SGSM1: variants seen among roughly 807,000 people sequenced by gnomAD.
SGSM1 encodes RUN and TBC1 domain containing 2.
SGSM1 carries 73 observed loss-of-function variants against 133.8 expected under a neutral mutation model. The ratio of observed to expected loss-of-function variants is 0.55; its 90% CI spans 0.45 to 0.66. SGSM1 has a LOEUF of 0.66. Among genes scored for constraint, SGSM1 ranks in the 30% least tolerant of loss-of-function variants. The pLI is 0.00. For synonymous variants in SGSM1, 563 were observed against 573.0 expected (o/e 0.98, Z 0.25); for missense variants, 1,213 against 1,448.1 (o/e 0.84, Z 2.64).
chr22:24,819,038 C>T (rs1459113950), intron 2 of SGSM1, among the ~76,000 whole-genome samples: 1 of 150,838 alleles, frequency 6.6e-6, no homozygotes, highest in Non-Finnish European at 1.5e-5. Context: ...CCCAGCTACT[C>T]GGGAGGCTGA....
intron 16 of SGSM1, among the ~76,000 whole-genome samples, 181 bp downstream of exon 16, chr22:24,886,909 G>C (rs1345289939): frequency 5.3e-5 from 8 of 152,156 alleles, no homozygotes; most frequent in Non-Finnish European, 7.3e-5. Context: ...CAATTTTTAC[G>C]TTTTTAAATT....
rs9624652 is a variant in SGSM1 at position 24,900,603 on chromosome 22, G to C, written c.2611-1230G>C. 3.9e-5 allele frequency among the ~76,000 whole-genome samples: 6 copies of C among 151,982 alleles called. No individual in the cohort carries two copies. In the East Asian group the frequency reaches 1.2e-3, roughly 29 times the overall value. On this transcript the variant is annotated intron_variant, in intron 19 of 24. Coordinates refer to ENST00000400358, the MANE Select transcript of SGSM1 (RefSeq NM_001098497.3). ...GTAGAGATGGGTTTTCTCCATGTTG[G>C]TCAGGCTGGTCTCAAACTCTCGACC...
chr22:24,855,538 C>T lies in SGSM1; in HGVS notation c.670-11C>T. 1.2e-6 allele frequency: 2 copies of T among 1,613,828 alleles called. No individual in the cohort carries two copies. Among genetic ancestry groups the T allele is most frequent in the Non-Finnish European group, 1.7e-6 (2 of 1,179,796 alleles). ...GGCCTCATCCCTCTGTCTCCCGTCACTCTCTACCAGATCCAGAAGAGGCAT... is the reference window on the plus strand; with the variant it reads ...GGCCTCATCCCTCTGTCTCCCGTCATTCTCTACCAGATCCAGAAGAGGCAT... On this transcript the variant is annotated splice_polypyrimidine_tract_variant and intron_variant, in intron 7 of 24. Coordinates refer to ENST00000400358, the MANE Select transcript of SGSM1 (RefSeq NM_001098497.3).
intron 21 of SGSM1, among the ~76,000 whole-genome samples, chr22:24,907,260 CA>C (rs1360555234): frequency 7.0e-6 from 1 of 142,578 alleles, no homozygotes; most frequent in Non-Finnish European, 1.5e-5. Flanking sequence ...AACTCCATCT[CA>C]AATAAATAAA....
intron 23 of SGSM1, among the ~76,000 whole-genome samples, chr22:24,919,040 C>CTT (rs143985087): frequency 1.3e-3 from 90 of 71,784 alleles, no homozygotes; most frequent in African/African-American, 2.3e-3. Flanking sequence ...CACACCCGGC[C>CTT]TTTTTTTTTT....
intron 18 of SGSM1, 23 bp from the exon 19 acceptor site, chr22:24,897,949 G>C: frequency 6.4e-7 from 1 of 1,561,178 alleles, no homozygotes; most frequent in Non-Finnish European, 8.7e-7. Context: ...CGGTCCATCT[G>C]TTTTTGTGCA....
In SGSM1 at chr22:24,924,981, G is replaced by A. The variant is rs1161237340; in HGVS notation, c.*707G>A. 2 of 152,274 alleles carry A rather than the reference G, an allele frequency of 1.3e-5. No individual in the cohort carries two copies. The highest frequency in any genetic ancestry group is 4.8e-5 in the African/African-American group (2 of 41,438). 9.4% of individuals were successfully genotyped at this position (152,274 alleles called of 1,614,324 possible). A position where few individuals can be genotyped will look rare whatever the true frequency, so the allele number is the denominator to read the frequency against. On this transcript the variant is annotated 3_prime_UTR_variant, in exon 25 of 25. Coordinates refer to ENST00000400358, the MANE Select transcript of SGSM1 (RefSeq NM_001098497.3). ...CCCCCATTTGAGAACCACTGGCTTG[G>A]AGAAGGGACTACAAATGTACTTCCT...
chr22:24,886,691 A>C lies in SGSM1; in HGVS notation c.1733A>C (p.His578Pro). 1 of 1,579,186 alleles carries C rather than the reference A, an allele frequency of 6.3e-7. No individual in the cohort carries two copies. Among genetic ancestry groups the C allele is most frequent in the Non-Finnish European group, 8.6e-7 (1 of 1,162,982 alleles). Residue 578 changes from histidine to proline, a missense_variant, in exon 16 of 25, where the codon CAC becomes CCC. Coordinates refer to ENST00000400358, the MANE Select transcript of SGSM1 (RefSeq NM_001098497.3). ...RKAVWPFLLG[H>P]YQFGMTETER... ...GCCGTGTGGCCCTTCCTCCTGGGCC[A>C]CTACCAGTTCGGGATGACGGAAACA...
At chr22:24,857,414 A>AG (rs1258710009) in intron 8 of SGSM1, among the ~76,000 whole-genome samples, 2 of 151,536 alleles carry the variant, frequency 1.3e-5, no homozygotes, top group South Asian at 2.1e-4. Context: ...TCTCAAAAAA[A>AG]AAAAAAAAAA....
intron 21 of SGSM1, among the ~76,000 whole-genome samples, chr22:24,907,245 A>T (rs185454094): frequency 2.7e-5 from 4 of 150,192 alleles, no homozygotes; most frequent in Middle Eastern, 3.4e-3. Context: ...GGGTGACAAG[A>T]GCAAAACTCC....
intron 2 of SGSM1, among the ~76,000 whole-genome samples, chr22:24,838,281 G>A (rs1332739861): frequency 6.6e-6 from 1 of 152,200 alleles, no homozygotes; most frequent in Non-Finnish European, 1.5e-5. Context: ...GTATTGCCAA[G>A]GAAGAAGGGT....
chr22:24,809,580 A>G (rs934404677), intron 2 of SGSM1, among the ~76,000 whole-genome samples: 3 of 152,214 alleles, frequency 2.0e-5, no homozygotes, highest in South Asian at 4.1e-4. Flanking sequence ...CACAGCACCC[A>G]TGAGGCAGGT....
intron 3 of SGSM1, among the ~76,000 whole-genome samples, chr22:24,846,003 TTCTTTCTTCA>T: frequency 1.5e-5 from 2 of 137,584 alleles, no homozygotes; most frequent in African/African-American, 5.3e-5. Context: ...CTTTCTTTCT[TTCTTTCTTCA>T]TTTCTTTCTC....
At chr22:24,887,216 G>A (rs1050410751) in intron 16 of SGSM1, among the ~76,000 whole-genome samples, 1 of 150,924 alleles carries the variant, frequency 6.6e-6, no homozygotes, top group Non-Finnish European at 1.5e-5. Flanking sequence ...ATGCTATAAG[G>A]ACCCCCACGT....
intron 2 of SGSM1, among the ~76,000 whole-genome samples, chr22:24,835,804 G>A (rs1158000687): frequency 2.0e-5 from 3 of 152,130 alleles, no homozygotes; most frequent in Non-Finnish European, 4.4e-5. Flanking sequence ...CTCCTTGTGT[G>A]AGGTGGTGAG....
intron 19 of SGSM1, 23 bp from the exon 20 acceptor site, chr22:24,901,810 C>G (rs566020681): frequency 1.9e-6 from 3 of 1,609,626 alleles, no homozygotes; most frequent in African/African-American, 1.3e-5. Context: ...CTTCCCCCTA[C>G]CCCCTGCCCC....
In SGSM1 at chr22:24,886,619, T is replaced by C. The variant is rs1932617189; in HGVS notation, c.1661T>C (p.Leu554Pro). The change falls in exon 16 of 25, where the codon CTG (leucine) becomes CCG (proline). Residue 554 changes from leucine to proline, a missense_variant. Coordinates refer to ENST00000400358, the MANE Select transcript of SGSM1 (RefSeq NM_001098497.3). ...HDSTSYEEQE[L>P]LRLIYYGGIQ... ...CCACAGAGTTACGAGGAGCAGGAGCTGCTGCGCCTCATCTACTACGGGGGC... is the reference window on the plus strand; with the variant it reads ...CCACAGAGTTACGAGGAGCAGGAGCCGCTGCGCCTCATCTACTACGGGGGC... 6.4e-7 allele frequency: 1 copy of C among 1,553,126 alleles called. No individual in the cohort carries two copies. Among genetic ancestry groups the C allele is most frequent in the Non-Finnish European group, 8.7e-7 (1 of 1,147,790 alleles).
chr22:24,880,334 A>C (rs1249607534), intron 14 of SGSM1, among the ~76,000 whole-genome samples: 1 of 152,022 alleles, frequency 6.6e-6, no homozygotes, highest in Non-Finnish European at 1.5e-5. Flanking sequence ...GGGTTTCACC[A>C]TGTTGGCCAG....
At position 24,898,339 on chromosome 22, in the gene SGSM1, C is replaced by T. The variant is rs771603488; in HGVS notation, c.2390C>T (p.Ser797Phe). 6.2e-7 allele frequency: 1 copy of T among 1,613,916 alleles called. No individual in the cohort carries two copies. The highest frequency in any genetic ancestry group is 8.5e-7 in the Non-Finnish European group (1 of 1,179,866). Reference sequence around the variant, plus strand: ...AACGAGAGCATGGACGAGTTCATGTCCATCACGGGCAGCCTGGACATGGCC... The same window carrying T: ...AACGAGAGCATGGACGAGTTCATGTTCATCACGGGCAGCCTGGACATGGCC... ...LANESMDEFM[S>F]ITGSLDMALP... Residue 797 changes from serine (S) to phenylalanine (F), a missense_variant, in exon 19 of 25, where the codon TCC becomes TTC. By Grantham distance (155) the Ser-to-Phe change is radical. Coordinates refer to ENST00000400358, the MANE Select transcript of SGSM1 (RefSeq NM_001098497.3).
Sources: gnomAD v4.1 joint callset for allele counts (sites outside exome capture counted in the v4.1 genomes callset) on GRCh38, gnomAD v4.1.1 for gene constraint, MANE v1.5 for transcripts, NCBI Gene and HGNC (gene_info 2026-07-23, HGNC 2026-07-21) for gene names.